Variants in KIAA1328 observed in about 807,000 individuals in gnomAD.
The protein encoded by KIAA1328 is protein hinderin.
A neutral mutation model predicts 68.1 loss-of-function variants in KIAA1328; 52 were observed. The observed-to-expected ratio is 0.76, with a 90% CI of 0.61 to 0.96. KIAA1328 has a LOEUF of 0.96. KIAA1328 is among the 40% of genes least tolerant of loss of function. The probability of loss-of-function intolerance (pLI) is 0.00; values close to 1 mark genes in which losing one functional copy is unlikely to be tolerated. For missense variants in KIAA1328, 641 were observed against 677.6 expected, an observed-to-expected ratio of 0.95 and a Z score of 0.60; for synonymous variants, 232 against 239.4, an observed-to-expected ratio of 0.97 and a Z score of 0.28.
intron 4 of KIAA1328, among the ~76,000 whole-genome samples, chr18:36,850,918 T>C (rs1465965840): frequency 2.0e-5 from 3 of 152,158 alleles, no homozygotes; most frequent in African/African-American, 7.2e-5. Flanking sequence ...ACTCTCAGTT[T>C]TTCATCAGTG....
chr18:37,035,292 T>A (rs937799646), intron 6 of KIAA1328, among the ~76,000 whole-genome samples: 2 of 152,206 alleles, frequency 1.3e-5, no homozygotes, highest in Non-Finnish European at 2.9e-5. Flanking sequence ...AGCATCAGCA[T>A]CACCTGGGCA....
intron 5 of KIAA1328, among the ~76,000 whole-genome samples, chr18:36,928,669 TGAGA>T (rs376561982): frequency 4.7e-4 from 71 of 150,562 alleles, no homozygotes; most frequent in African/African-American, 1.6e-3. Context: ...TGTATAGGGG[TGAGA>T]GAGAGAGAGA....
At chr18:36,865,296 C>T (rs2047712848) in intron 4 of KIAA1328, among the ~76,000 whole-genome samples, 1 of 151,428 alleles carries the variant, frequency 6.6e-6, no homozygotes, top group South Asian at 2.1e-4. Flanking sequence ...TTTTATTTCC[C>T]TTGAGACTTC....
chr18:37,108,999 A>G (rs565494008), intron 7 of KIAA1328, among the ~76,000 whole-genome samples: 3 of 146,464 alleles, frequency 2.0e-5, no homozygotes, highest in Non-Finnish European at 4.5e-5. Context: ...TCATTGTTCA[A>G]CTCCCACCTA....
chr18:36,979,454 T>C (rs1245305842), intron 6 of KIAA1328, among the ~76,000 whole-genome samples: 1 of 152,038 alleles, frequency 6.6e-6, no homozygotes, highest in Admixed American at 6.6e-5. Flanking sequence ...CTAAAAGCAT[T>C]TGGATGAAGA....
chr18:37,226,150 T>C (rs954599099), downstream of KIAA1328, among the ~76,000 whole-genome samples: 1 of 152,188 alleles, frequency 6.6e-6, no homozygotes, highest in Non-Finnish European at 1.5e-5. Flanking sequence ...AGTCTTGGAT[T>C]CATTGCCCCT....
intron 5 of KIAA1328, among the ~76,000 whole-genome samples, chr18:36,945,726 A>G (rs746755705): frequency 2.0e-5 from 3 of 152,186 alleles, no homozygotes; most frequent in Non-Finnish European, 4.4e-5. Flanking sequence ...TTTAGAAATG[A>G]TACTGTAAAC....
intron 6 of KIAA1328, among the ~76,000 whole-genome samples, chr18:37,033,553 T>C (rs1442465956): frequency 6.6e-6 from 1 of 152,198 alleles, no homozygotes; most frequent in African/African-American, 2.4e-5. Flanking sequence ...AGACAAAACT[T>C]GAACATCTCC....
At chr18:36,875,843 T>C (rs2048103520) in intron 4 of KIAA1328, among the ~76,000 whole-genome samples, 1 of 152,230 alleles carries the variant, frequency 6.6e-6, no homozygotes, top group South Asian at 2.1e-4. Context: ...ATACATTCCA[T>C]CGGTACCTAG....
chr18:36,896,568 C>T (rs2048873001), intron 5 of KIAA1328, among the ~76,000 whole-genome samples: 2 of 152,068 alleles, frequency 1.3e-5, no homozygotes, highest in African/African-American at 4.8e-5. Flanking sequence ...TGTAAATAAG[C>T]TCAGCAAACT....
At chr18:36,948,353 C>CGGG (rs1372024911) in intron 5 of KIAA1328, among the ~76,000 whole-genome samples, 12 of 144,734 alleles carry the variant, frequency 8.3e-5, no homozygotes. Context: ...CCTCCAACTT[C>CGGG]TTGGTTCAAG....
intron 6 of KIAA1328, among the ~76,000 whole-genome samples, chr18:37,001,326 A>G (rs567370810): frequency 3.1e-4 from 47 of 152,282 alleles, no homozygotes; most frequent in Non-Finnish European, 2.1e-4. Context: ...AATCAGGAAG[A>G]AATATAAAAC....
rs146713926 is a variant in KIAA1328, at chr18:37,063,648, A to G, written c.577-3242A>G. On this transcript the variant is annotated intron_variant, in intron 6 of 9. Coordinates refer to ENST00000280020, the MANE Select transcript of KIAA1328 (RefSeq NM_020776.3). Reference sequence around the variant, plus strand: ...TAACCAAGCAGGTAATTGACAGAGCATTGCTCTCTAGGCAAAGCATTCGTT... The same window carrying G: ...TAACCAAGCAGGTAATTGACAGAGCGTTGCTCTCTAGGCAAAGCATTCGTT... The G allele has an allele frequency of 1.6e-4, 156 of 985,374 alleles. No homozygotes were observed. The African/African-American group carries it at 2.4e-3, about 15-fold the overall frequency. The allele number at this position is 985,374 out of a possible 1,614,324, so 61.0% of individuals were successfully genotyped here. A position where few individuals can be genotyped will look rare whatever the true frequency, so the allele number is the denominator to read the frequency against.
chr18:36,928,598 AT>A (rs2050205085), intron 5 of KIAA1328, among the ~76,000 whole-genome samples: 1 of 152,112 alleles, frequency 6.6e-6, no homozygotes, highest in South Asian at 2.1e-4. Flanking sequence ...TACTTCAAAA[AT>A]TTTTTGATGT....
At chr18:36,912,003 C>T (rs1469510218) in intron 5 of KIAA1328, among the ~76,000 whole-genome samples, 6 of 152,010 alleles carry the variant, frequency 3.9e-5, no homozygotes, top group Admixed American at 1.3e-4. Context: ...ATTCTTTCTC[C>T]ATAGTTCTAT....
intron 4 of KIAA1328, among the ~76,000 whole-genome samples, chr18:36,867,580 G>C (rs2047797416): frequency 6.6e-6 from 1 of 152,230 alleles, no homozygotes; most frequent in Non-Finnish European, 1.5e-5. Flanking sequence ...TGTGGTTGAA[G>C]TTTAAAGCAT....
chr18:37,228,838 A>T (rs2060652268), downstream of KIAA1328, among the ~76,000 whole-genome samples: 1 of 152,122 alleles, frequency 6.6e-6, no homozygotes, highest in African/African-American at 2.4e-5. Flanking sequence ...AAAAGAAAAA[A>T]AAAAGATTAC....
At chr18:37,064,397 A>G (rs544637316) in intron 6 of KIAA1328, among the ~76,000 whole-genome samples, 1 of 152,304 alleles carries the variant, frequency 6.6e-6, no homozygotes, top group African/African-American at 2.4e-5. Flanking sequence ...ATTGCGAAAT[A>G]AATTGGTGGG....
intron 6 of KIAA1328, among the ~76,000 whole-genome samples, chr18:37,055,507 A>G (rs1386289570): frequency 1.3e-5 from 2 of 152,204 alleles, no homozygotes; most frequent in African/African-American, 4.8e-5. Context: ...AGTTAATTGC[A>G]TGGGGGAAAA....
Sources: gnomAD v4.1 joint callset for allele counts (sites outside exome capture counted in the v4.1 genomes callset) on GRCh38, gnomAD v4.1.1 for gene constraint, MANE v1.5 for transcripts, NCBI Gene and HGNC (gene_info 2026-07-23, HGNC 2026-07-21) for gene names.